Variants in EFHB observed in about 807,000 individuals in gnomAD.
EFHB encodes the protein EF-hand domain-containing family member B.
EFHB carries 91 observed loss-of-function variants against 87.2 expected under a neutral mutation model. That is an observed-to-expected ratio of 1.04 (90% CI 0.88 to 1.24). The LOEUF is 1.24. EFHB is among the 50% of genes most tolerant of loss of function. EFHB has a pLI of 0.00. For missense variants in EFHB, 1,084 were observed against 998.8 expected, an observed-to-expected ratio of 1.09 and a Z score of -1.15; for synonymous variants, 325 against 333.6, an observed-to-expected ratio of 0.97 and a Z score of 0.28.
chr3:19,928,893 G>C (rs754532747), intron 1 of EFHB, among the ~76,000 whole-genome samples: 2 of 151,552 alleles, frequency 1.3e-5, no homozygotes, highest in Non-Finnish European at 2.9e-5. Flanking sequence ...CCATACACAA[G>C]CAAAATAGTC....
chr3:19,934,234 G>A (rs1179572368), upstream of EFHB: 1 of 1,426,836 alleles, frequency 7.0e-7, no homozygotes, highest in Non-Finnish European at 9.1e-7. Flanking sequence ...CAGGTTACCT[G>A]GGAAACAGGG....
chr3:19,895,988 A>G (rs1331911628), intron 9 of EFHB, among the ~76,000 whole-genome samples: 1 of 152,226 alleles, frequency 6.6e-6, no homozygotes, highest in East Asian at 1.9e-4. Flanking sequence ...CAAAGAATAA[A>G]ATTTAGAGTA....
intron 3 of EFHB, among the ~76,000 whole-genome samples, chr3:19,919,251 C>T (rs991743347): frequency 2.6e-5 from 4 of 151,974 alleles, no homozygotes; most frequent in Middle Eastern, 3.4e-3. Flanking sequence ...GGCTGGATTG[C>T]AGTGGCATGA....
At chr3:19,939,409 G>T (rs1575057566) in intron 1 of EFHB, among the ~76,000 whole-genome samples, 1 of 91,880 alleles carries the variant, frequency 1.1e-5, no homozygotes, top group Non-Finnish European at 2.1e-5. Context: ...TTGGGATGGA[G>T]TCTCACTCTG....
intron 1 of EFHB, among the ~76,000 whole-genome samples, chr3:19,924,115 C>G (rs1369999155): frequency 2.0e-5 from 3 of 151,962 alleles, no homozygotes; most frequent in Non-Finnish European, 1.5e-5. Flanking sequence ...AATCATTATT[C>G]CTATGATGGT....
intron 1 of EFHB, chr3:19,941,383 T>A (rs1696153796): frequency 5.9e-6 from 1 of 169,394 alleles, no homozygotes; most frequent in Non-Finnish European, 1.3e-5. Flanking sequence ...TCACAAGCAG[T>A]ATGGGGATGT....
intron 1 of EFHB, among the ~76,000 whole-genome samples, chr3:19,925,580 A>C (rs563469519): frequency 2.7e-4 from 41 of 152,122 alleles, no homozygotes; most frequent in Non-Finnish European, 5.1e-4. Context: ...AAACTGCACC[A>C]ACCATCTCCT....
intron 8 of EFHB, among the ~76,000 whole-genome samples, 166 bp downstream of exon 8, chr3:19,898,612 T>A (rs1218833388): frequency 6.6e-6 from 1 of 152,178 alleles, no homozygotes; most frequent in Non-Finnish European, 1.5e-5. Context: ...TGAAAAAAAA[T>A]TTACTTCTGT....
At chr3:19,892,259 C>G (rs1038888628) in intron 9 of EFHB, among the ~76,000 whole-genome samples, 3 of 152,154 alleles carry the variant, frequency 2.0e-5, no homozygotes, top group Non-Finnish European at 4.4e-5. Flanking sequence ...TTTCTTACTC[C>G]CTACCGTCCA....
chr3:19,885,723 G>A (rs886365275), intron 10 of EFHB, among the ~76,000 whole-genome samples: 4 of 152,098 alleles, frequency 2.6e-5, no homozygotes, highest in Admixed American at 1.3e-4. Flanking sequence ...TCTGAAGAAC[G>A]CATTCCTCCC....
At chr3:19,913,010 GTAA>G (rs995487898) in intron 5 of EFHB, among the ~76,000 whole-genome samples, 1 of 152,152 alleles carries the variant, frequency 6.6e-6, no homozygotes, top group Non-Finnish European at 1.5e-5. Flanking sequence ...GCTAATGCCT[GTAA>G]TAATAATAGT....
At chr3:19,914,730 G>A (rs887455907) in intron 5 of EFHB, among the ~76,000 whole-genome samples, 3 of 152,070 alleles carry the variant, frequency 2.0e-5, no homozygotes, top group African/African-American at 7.2e-5. Flanking sequence ...ATTTGAACCT[G>A]ATCTGATTCA....
chr3:19,934,544 C>A (rs1392243853), upstream of EFHB, among the ~76,000 whole-genome samples: 1 of 151,716 alleles, frequency 6.6e-6, no homozygotes, highest in Non-Finnish European at 1.5e-5. Context: ...CTTCCTCTCT[C>A]TTTTTCTTTG....
At chr3:19,903,441 A>G (rs1306707001) in intron 6 of EFHB, among the ~76,000 whole-genome samples, 2 of 152,130 alleles carry the variant, frequency 1.3e-5, no homozygotes, top group African/African-American at 4.8e-5. Flanking sequence ...CCCATTGAAA[A>G]TGGATAAACC....
chr3:19,943,380 C>T (rs1696203942), intron 1 of EFHB: 1 of 159,160 alleles, frequency 6.3e-6, no homozygotes, highest in African/African-American at 2.4e-5. Flanking sequence ...AAAGTGGCCA[C>T]AGCATTCAAT....
intron 5 of EFHB, among the ~76,000 whole-genome samples, chr3:19,906,592 A>G (rs1022395789): frequency 6.6e-6 from 1 of 152,166 alleles, no homozygotes; most frequent in Non-Finnish European, 1.5e-5. Context: ...TTCCATGCTC[A>G]TTGATCAGAA....
intron 1 of EFHB, among the ~76,000 whole-genome samples, chr3:19,945,291 G>A (rs1021835835): frequency 6.6e-6 from 1 of 152,184 alleles, no homozygotes; most frequent in South Asian, 2.1e-4. Context: ...TGGGACTAGA[G>A]TTAAAGAACT....
chr3:19,940,564 G>A (rs1306816111), intron 1 of EFHB: 1 of 497,936 alleles, frequency 2.0e-6, no homozygotes, highest in East Asian at 5.7e-5. Flanking sequence ...GGATTCAAGG[G>A]AATTCTTTGA....
At chr3:19,889,943 C>A (rs1470232373) in intron 9 of EFHB, among the ~76,000 whole-genome samples, 1 of 152,126 alleles carries the variant, frequency 6.6e-6, no homozygotes, top group Non-Finnish European at 1.5e-5. Context: ...GCCGAGACTG[C>A]GCCATTGCAC....
Sources: allele counts gnomAD v4.1 joint callset (sites outside exome capture counted in the v4.1 genomes callset), GRCh38; gene constraint gnomAD v4.1.1; transcripts MANE v1.5; gene names NCBI Gene and HGNC (gene_info 2026-07-23, HGNC 2026-07-21).